The following WDR72 variants were observed in gnomAD, a reference collection of about 807,000 sequenced individuals.
WDR72 encodes WD repeat domain 72.
WDR72 carries 120 observed loss-of-function variants against 124.2 expected under a neutral mutation model. That is an observed-to-expected ratio of 0.97 (90% CI 0.83 to 1.12). WDR72 has a LOEUF of 1.12. Ranked by LOEUF, WDR72 falls within the 50% of genes most tolerant of loss-of-function variation. WDR72 has a pLI of 0.00. For missense variants in WDR72, 1,387 were observed against 1,278.8 expected (o/e 1.08, Z -1.29); for synonymous variants, 452 against 441.7 (o/e 1.02, Z -0.29).
chr15:53,595,372 C>G (rs760796167), intron 18 of WDR72, among the ~76,000 whole-genome samples: 17 of 152,112 alleles, frequency 1.1e-4, no homozygotes, highest in Non-Finnish European at 1.8e-4. Flanking sequence ...CCCAACTCAG[C>G]CTCCCAAGTA....
At chr15:53,700,043 T>TTAC (rs2017123782) in intron 12 of WDR72, 98 bp from the exon 13 acceptor site, 20 of 1,374,194 alleles carry the variant, frequency 1.5e-5, no homozygotes, top group Non-Finnish European at 1.8e-5. Flanking sequence ...AAAGTTTTGT[T>TTAC]AAAGCCCCAT....
chr15:53,513,764 A>G lies in WDR72; in HGVS notation c.*3935T>C, dbSNP rs1476999878. Reference sequence around the variant, plus strand: ...AATCAAGATAAATATATTTTAATACAATATTTATAAAAATTAAATTACTGC... The same window carrying G: ...AATCAAGATAAATATATTTTAATACGATATTTATAAAAATTAAATTACTGC... On this transcript the variant is annotated 3_prime_UTR_variant, in exon 20 of 20. Coordinates refer to ENST00000360509, the MANE Select transcript of WDR72 (RefSeq NM_182758.4). 5 of 152,158 alleles carry G rather than the reference A, an allele frequency of 3.3e-5. No homozygotes were observed. Among genetic ancestry groups the G allele is most frequent in the Non-Finnish European group, 7.3e-5 (5 of 68,032 alleles). 9.4% of individuals were successfully genotyped at this position (152,158 alleles called of 1,614,324 possible).
At position 53,672,106 on chromosome 15, in the gene WDR72, C is replaced by T. The variant is rs546143196; in HGVS notation, c.1766-6338G>A. Among the ~76,000 whole-genome samples the T allele has an allele frequency of 5.9e-5, 9 of 152,122 alleles. No individual in the cohort carries two copies. The South Asian group carries it at 1.9e-3, about 32-fold the overall frequency. ...CACACCTGAATCCTTATAATAAACA[C>T]CACTTTCTGATAAAATTAACTTTAC... On this transcript the variant is annotated intron_variant, in intron 13 of 19. Coordinates refer to ENST00000360509, the MANE Select transcript of WDR72 (RefSeq NM_182758.4).
chr15:53,733,243 T>A, intron 1 of WDR72, 82 bp from the exon 2 acceptor site: 1 of 1,476,956 alleles, frequency 6.8e-7, no homozygotes, highest in Non-Finnish European at 9.3e-7. Flanking sequence ...AGCAGATTTA[T>A]GATGACCAAA....
chr15:53,739,860 G>C (rs937640299), intron 1 of WDR72, among the ~76,000 whole-genome samples: 1 of 152,032 alleles, frequency 6.6e-6, no homozygotes, highest in African/African-American at 2.4e-5. Flanking sequence ...TTTTTTTACG[G>C]GCAATGTGCA....
chr15:53,560,749 G>A lies in WDR72; in HGVS notation c.3148+36330C>T, dbSNP rs560459898. 6.6e-5 allele frequency among the ~76,000 whole-genome samples: 10 copies of A among 151,760 alleles called. No individual in the cohort carries two copies. In the South Asian group the frequency reaches 2.1e-3, roughly 32 times the overall value. ...GGAGTTTAACAGCAAATAATACAAT[G>A]GTATGACCCTTGTCTTTAGCTTGAT... On this transcript the variant is annotated intron_variant, in intron 18 of 19. Coordinates refer to ENST00000360509, the MANE Select transcript of WDR72 (RefSeq NM_182758.4).
chr15:53,651,874 A>G (rs1031638017), intron 14 of WDR72: 6 of 152,196 alleles, frequency 3.9e-5, no homozygotes, highest in African/African-American at 1.2e-4. Flanking sequence ...GCTGGTCTCA[A>G]ACTCCAGACC....
chr15:53,597,333 T>C, intron 17 of WDR72, 59 bp from the exon 18 acceptor site: 2 of 1,559,430 alleles, frequency 1.3e-6, no homozygotes, highest in East Asian at 2.3e-5. Flanking sequence ...CTTGGGTATG[T>C]TGCAAAAAAT....
At chr15:53,612,887 G>A (rs1428603155) in intron 16 of WDR72, among the ~76,000 whole-genome samples, 2 of 151,758 alleles carry the variant, frequency 1.3e-5, no homozygotes, top group East Asian at 2.0e-4. Flanking sequence ...CAGGATGAAC[G>A]CTCACAGGGG....
intron 2 of WDR72, among the ~76,000 whole-genome samples, chr15:53,732,015 G>A (rs1254162347): frequency 6.6e-6 from 1 of 152,116 alleles, no homozygotes; most frequent in Non-Finnish European, 1.5e-5. Context: ...TCACTTAGAA[G>A]TTTGTGTTTA....
chr15:53,580,865 A>G lies in WDR72; in HGVS notation c.3148+16214T>C, dbSNP rs1048014194. ...AGCCTCTGTTCTCATGAGCCTGCCC[A>G]GCACTTTCCAACCTGCATTCCATGG... is the stretch of plus-strand genomic sequence containing the variant. On this transcript the variant is annotated intron_variant, in intron 18 of 19. Coordinates refer to ENST00000360509, the MANE Select transcript of WDR72 (RefSeq NM_182758.4). Among the ~76,000 whole-genome samples the G allele has an allele frequency of 3.3e-5, 5 of 152,096 alleles. No individual in the cohort carries two copies. In the East Asian group the frequency reaches 5.8e-4, roughly 18 times the overall value.
In WDR72 at chr15:53,545,204, C is replaced by T. The variant is rs556794677; in HGVS notation, c.3149-21882G>A. On this transcript the variant is annotated intron_variant, in intron 18 of 19. Transcript: ENST00000360509. ...AACCAAAAAAGAGCCCGCATCGCCA[C>T]GGGAATCCTAAGCCAAAAGAACAAA... 1.0e-3 allele frequency among the ~76,000 whole-genome samples: 158 copies of T among 151,298 alleles called. No individual in the cohort carries two copies. In the Middle Eastern group the frequency reaches 0.014, roughly 13 times the overall value.
At chr15:53,759,711 G>GCCCCGCCCCGCCCCGCCCCGCCCCGC, upstream of WDR72, 1 of 144,822 alleles carries the variant, frequency 6.9e-6, no homozygotes, top group South Asian at 2.2e-4. Flanking sequence ...TACCGGCCCC[G>GCCCCGCCCCGCCCCGCCCCGCCCCGC]CCCGCCTCGC....
intron 1 of WDR72, among the ~76,000 whole-genome samples, chr15:53,743,931 C>T (rs990690687): frequency 2.7e-5 from 4 of 150,576 alleles, no homozygotes; most frequent in Non-Finnish European, 5.9e-5. Flanking sequence ...GCTGAGATCG[C>T]GCCACTGCAG....
chr15:53,623,106 T>C (rs116592817), intron 14 of WDR72, among the ~76,000 whole-genome samples: 400 of 152,320 alleles, frequency 2.6e-3, no homozygotes, highest in African/African-American at 9.2e-3. Flanking sequence ...TTGTATACTA[T>C]ACGGGTTTTG....
intron 14 of WDR72, among the ~76,000 whole-genome samples, chr15:53,630,950 A>G (rs928393647): frequency 2.0e-5 from 3 of 152,242 alleles, no homozygotes; most frequent in African/African-American, 7.2e-5. Flanking sequence ...AATATTGTAT[A>G]TAGAAAACAC....
chr15:53,681,016 G>A (rs139461226), intron 13 of WDR72, among the ~76,000 whole-genome samples: 2 of 152,182 alleles, frequency 1.3e-5, no homozygotes, highest in African/African-American at 2.4e-5. Flanking sequence ...CTTGACCTTT[G>A]AATTTGTTTT....
chr15:53,754,928 T>C (rs933792206), intron 1 of WDR72, among the ~76,000 whole-genome samples: 1 of 152,230 alleles, frequency 6.6e-6, no homozygotes, highest in Non-Finnish European at 1.5e-5. Flanking sequence ...TCAATAAAGA[T>C]ATGTTTTCAT....
chr15:53,727,421 T>C (rs1269965756), intron 2 of WDR72, among the ~76,000 whole-genome samples: 1 of 152,176 alleles, frequency 6.6e-6, no homozygotes, highest in South Asian at 2.1e-4. Context: ...TGCCTTTGTA[T>C]CATTTCTATC....
Sources: gnomAD v4.1 joint callset for allele counts (sites outside exome capture counted in the v4.1 genomes callset) on GRCh38, gnomAD v4.1.1 for gene constraint, MANE v1.5 for transcripts, NCBI Gene and HGNC (gene_info 2026-07-23, HGNC 2026-07-21) for gene names.